PALD1: variants seen among roughly 807,000 people sequenced by gnomAD.
The protein encoded by PALD1 is phosphatase domain containing paladin 1.
In PALD1, 57 loss-of-function variants were observed where a neutral mutation model predicts 96.0. The ratio of observed to expected loss-of-function variants is 0.59; its 90% CI spans 0.48 to 0.74. The LOEUF is 0.74. PALD1 is among the 30% of genes least tolerant of loss of function. The pLI, the probability that PALD1 is intolerant of heterozygous loss-of-function variation, is 0.00. For synonymous variants in PALD1, 464 were observed against 473.6 expected (o/e 0.98, Z 0.26); for missense variants, 1,063 against 1,143.7 (o/e 0.93, Z 1.02).
At chr10:70,508,810 TGTGTGTGTGC>T (rs1255949426) in intron 1 of PALD1, among the ~76,000 whole-genome samples, 3 of 82,804 alleles carry the variant, frequency 3.6e-5, no homozygotes, top group African/African-American at 9.0e-5. Flanking sequence ...TGTGTGTGTG[TGTGTGTGTGC>T]AGGCCTGTGG....
intron 2 of PALD1, among the ~76,000 whole-genome samples, chr10:70,527,798 A>T (rs61857075): frequency 0.45 from 67,436 of 151,538 alleles, 15,945 homozygotes; most frequent in Non-Finnish European, 0.54. Flanking sequence ...ACTTTTTTTA[A>T]AATTTAAGTT....
intron 19 of PALD1, among the ~76,000 whole-genome samples, chr10:70,565,137 T>C (rs974321003): frequency 6.6e-6 from 1 of 152,312 alleles, no homozygotes; most frequent in Non-Finnish European, 1.5e-5. Flanking sequence ...CACACTGTGA[T>C]TGTCGCTCTC....
chr10:70,551,646 G>A (rs1847481510), intron 18 of PALD1, among the ~76,000 whole-genome samples: 1 of 152,136 alleles, frequency 6.6e-6, no homozygotes, highest in South Asian at 2.1e-4. Context: ...GCCGGCTTCA[G>A]CAGTCAACTT....
At chr10:70,554,412 G>A (rs943977873) in intron 18 of PALD1, among the ~76,000 whole-genome samples, 1 of 150,996 alleles carries the variant, frequency 6.6e-6, no homozygotes, top group Non-Finnish European at 1.5e-5. Context: ...CTGGGTGACA[G>A]AGTGAGACTC....
chr10:70,528,494 G>A (rs540466162), intron 2 of PALD1, among the ~76,000 whole-genome samples: 2 of 152,308 alleles, frequency 1.3e-5, no homozygotes, highest in South Asian at 2.1e-4. Context: ...CTTGTCCAAA[G>A]CTATAGAGTT....
intron 1 of PALD1, among the ~76,000 whole-genome samples, chr10:70,508,551 G>T (rs933200476): frequency 6.6e-6 from 1 of 152,192 alleles, no homozygotes; most frequent in Non-Finnish European, 1.5e-5. Context: ...CCAGCTGGAC[G>T]TGCCCAGTGA....
chr10:70,461,019 C>T, the PALD1 span, among the ~76,000 whole-genome samples: 121 of 152,308 alleles, frequency 7.9e-4, no homozygotes, highest in Non-Finnish European at 1.4e-3. Context: ...CGTGTCATTG[C>T]ACTCCAGCCT....
chr10:70,487,707 A>AG (rs1224713430), intron 1 of PALD1, among the ~76,000 whole-genome samples: 1 of 151,996 alleles, frequency 6.6e-6, no homozygotes, highest in African/African-American at 2.4e-5. Flanking sequence ...AAAAAAAAAA[A>AG]CAAAAAAACA....
chr10:70,531,335 C>G lies in PALD1; in HGVS notation c.514C>G (p.Arg172Gly). The change falls in exon 5 of 20, where the codon CGT becomes GGT. Residue 172 changes from arginine to glycine, a missense_variant. By Grantham distance (125) the Arg-to-Gly change is moderately radical (BLOSUM62 -2). Coordinates refer to ENST00000263563, the MANE Select transcript of PALD1 (RefSeq NM_014431.3). ...CVREEPVLFL[R>G]ADEDFVSYTP... ...GCGGGAGGAACCTGTGCTTTTCCTG[C>G]GTGCAGATGAGGACTTTGTGTCCTA... The G allele has an allele frequency of 6.2e-7, 1 of 1,613,808 alleles. No homozygotes were observed. The highest frequency in any genetic ancestry group is 8.5e-7 in the Non-Finnish European group (1 of 1,179,796).
intron 1 of PALD1, among the ~76,000 whole-genome samples, chr10:70,484,580 C>T (rs542881644): frequency 9.3e-5 from 14 of 151,032 alleles, no homozygotes; most frequent in African/African-American, 3.4e-4. Context: ...CGGTCTGTTA[C>T]CCAGGCTGGA....
At chr10:70,506,717 C>T (rs982000900) in intron 1 of PALD1, among the ~76,000 whole-genome samples, 2 of 152,182 alleles carry the variant, frequency 1.3e-5, no homozygotes, top group Middle Eastern at 3.2e-3. Context: ...TTACTTGCCC[C>T]TCTGAGCAGC....
In PALD1 at chr10:70,539,082, C is replaced by T. The variant is rs764331573; in HGVS notation, c.1570-10C>T. ...GGCTGAGCACTCACTGCCGGCCCTC[C>T]TGTGCCCAGGCCCTGGGGAGCATCC... is the stretch of plus-strand genomic sequence containing the variant. On this transcript the variant is annotated splice_polypyrimidine_tract_variant and intron_variant, in intron 13 of 19. Transcript: ENST00000263563. This position sits in a 1 kb window ranked among gnomAD's most constrained non-coding sequence, Gnocchi z 4.5. The T allele has an allele frequency of 3.1e-6, 5 of 1,613,800 alleles. No homozygotes were observed. The South Asian group carries it at 4.4e-5, about 14-fold the overall frequency.
At chr10:70,483,450 G>C (rs2132256188) in intron 1 of PALD1, among the ~76,000 whole-genome samples, 1 of 152,296 alleles carries the variant, frequency 6.6e-6, no homozygotes, top group Admixed American at 6.5e-5. Context: ...CACTGCCAAT[G>C]CTTTGGGCTC....
At chr10:70,514,095 GGCCTCCATGTGCCACA>G (rs1384508865) in intron 1 of PALD1, among the ~76,000 whole-genome samples, 1 of 152,008 alleles carries the variant, frequency 6.6e-6, no homozygotes, top group Non-Finnish European at 1.5e-5. Flanking sequence ...CCTGGGTGCT[GGCCTCCATGTGCCACA>G]GTGCCTCTGC....
the PALD1 span, among the ~76,000 whole-genome samples, chr10:70,471,249 G>A: frequency 0.011 from 1,606 of 152,342 alleles, 26 homozygotes; most frequent in African/African-American, 0.036. Context: ...ATGAGCCAAC[G>A]CACTCAGCCT....
At chr10:70,565,536 G>C (rs978193842) in intron 19 of PALD1, among the ~76,000 whole-genome samples, 1 of 152,226 alleles carries the variant, frequency 6.6e-6, no homozygotes, top group African/African-American at 2.4e-5. Context: ...GACCTGGCCA[G>C]AGTGGGCACA....
intron 1 of PALD1, among the ~76,000 whole-genome samples, chr10:70,505,849 C>T (rs1015613559): frequency 6.6e-6 from 1 of 151,614 alleles, no homozygotes; most frequent in Non-Finnish European, 1.5e-5. Context: ...GGCCAAACCC[C>T]ATATCTACCC....
In PALD1 at chr10:70,567,051, C is replaced by T. The variant is rs1456341068; in HGVS notation, c.*318C>T. On this transcript the variant is annotated 3_prime_UTR_variant, in exon 20 of 20. Coordinates refer to ENST00000263563, the MANE Select transcript of PALD1 (RefSeq NM_014431.3). The stretch of plus-strand genomic sequence containing the variant: ...GCGTTCAGCCTCCAAGGGGCTCACT[C>T]CCCCAGTTGCCAAACACTGTGGATC... The T allele has an allele frequency of 3.5e-6, 1 of 288,296 alleles. No homozygotes were observed. Among genetic ancestry groups the T allele is most frequent in the Non-Finnish European group, 6.4e-6 (1 of 156,060 alleles). 17.9% of individuals were successfully genotyped at this position (288,296 alleles called of 1,614,324 possible). A position where few individuals can be genotyped will look rare whatever the true frequency, so the allele number is the denominator to read the frequency against.
chr10:70,472,710 G>A, the PALD1 span, among the ~76,000 whole-genome samples: 11 of 152,052 alleles, frequency 7.2e-5, no homozygotes, highest in African/African-American at 2.4e-4. Flanking sequence ...ACTCTGCAGC[G>A]AGACCCAGTA....
Sources: allele counts gnomAD v4.1 joint callset (sites outside exome capture counted in the v4.1 genomes callset), GRCh38; gene constraint gnomAD v4.1.1; non-coding constraint Gnocchi (gnomAD v3.1); transcripts MANE v1.5; gene names NCBI Gene and HGNC (gene_info 2026-07-23, HGNC 2026-07-21).